Variants in FYN observed in about 807,000 individuals in gnomAD.
The protein encoded by FYN is FYN proto-oncogene, Src family tyrosine kinase.
Under a neutral mutation model 70.2 loss-of-function variants are expected in FYN, and 10 were observed. That is an observed-to-expected ratio of 0.14 (90% CI 0.09 to 0.24). The LOEUF (loss-of-function observed/expected upper bound fraction) is 0.24. FYN is among the 10% of genes least tolerant of loss of function. The pLI is 1.00. For synonymous variants in FYN, 236 were observed against 248.6 expected (o/e 0.95, Z 0.48); for missense variants, 319 against 673.1 (o/e 0.47, Z 5.82).
chr6:111,671,906 T>G (rs1365943963), intron 13 of FYN, among the ~76,000 whole-genome samples: 1 of 152,204 alleles, frequency 6.6e-6, no homozygotes, highest in Non-Finnish European at 1.5e-5. Context: ...TTCTGTTGGA[T>G]TCACAAACCC....
chr6:111,679,648 G>A (rs1583297317), intron 12 of FYN, among the ~76,000 whole-genome samples: 1 of 151,952 alleles, frequency 6.6e-6, no homozygotes, highest in South Asian at 2.1e-4. Flanking sequence ...ACTTGTCCTT[G>A]GTGACAGCAC....
chr6:111,812,604 CTTTTTTTTTTTTTT>C (rs369326017), intron 2 of FYN, among the ~76,000 whole-genome samples: 7 of 101,322 alleles, frequency 6.9e-5, no homozygotes, highest in East Asian at 3.1e-4. Context: ...AGAAATTTTC[CTTTTTTTTTTTTTT>C]TTTTTTTTTT....
intron 2 of FYN, among the ~76,000 whole-genome samples, chr6:111,808,198 T>C (rs1157338579): frequency 6.6e-6 from 1 of 152,184 alleles, no homozygotes; most frequent in Non-Finnish European, 1.5e-5. Context: ...ACAAAGGCAC[T>C]GAAGCAGCAA....
chr6:111,812,602 T>G (rs531288204), intron 2 of FYN, among the ~76,000 whole-genome samples: 1 of 149,426 alleles, frequency 6.7e-6, no homozygotes, highest in Admixed American at 6.7e-5. Context: ...TCAGAAATTT[T>G]CCTTTTTTTT....
In FYN at chr6:111,703,138, A is replaced by G. The variant is rs1039818586; in HGVS notation, c.548-104T>C. 8 of 888,950 alleles carry G rather than the reference A, an allele frequency of 9.0e-6. No homozygotes were observed. The African/African-American group carries it at 1.2e-4, about 13-fold the overall frequency. The allele number at this position is 888,950 out of a possible 1,614,324, so 55.1% of individuals were successfully genotyped here. A position where few individuals can be genotyped will look rare whatever the true frequency, so the allele number is the denominator to read the frequency against. On this transcript the variant is annotated intron_variant, in intron 7 of 13. Transcript: ENST00000354650. ...TGATTAATAATTACCAAGGATGCACACACACATGTACACACACACAGCATC... is the reference window on the plus strand; with the variant it reads ...TGATTAATAATTACCAAGGATGCACGCACACATGTACACACACACAGCATC...
intron 13 of FYN, among the ~76,000 whole-genome samples, chr6:111,670,127 C>A (rs1798198808): frequency 6.6e-6 from 1 of 152,152 alleles, no homozygotes. Flanking sequence ...CTGCTCAAAT[C>A]CCCTCACTTC....
intron 3 of FYN, among the ~76,000 whole-genome samples, chr6:111,763,630 A>C (rs1016952067): frequency 6.6e-6 from 1 of 152,162 alleles, no homozygotes; most frequent in Non-Finnish European, 1.5e-5. Flanking sequence ...TATACTTACC[A>C]CCCAGCTTTA....
intron 3 of FYN, among the ~76,000 whole-genome samples, chr6:111,735,992 G>GT (rs1456640807): frequency 6.6e-6 from 1 of 152,188 alleles, no homozygotes; most frequent in Non-Finnish European, 1.5e-5. Context: ...GCACAGTTGT[G>GT]TAAGTGGCTG....
intron 2 of FYN, among the ~76,000 whole-genome samples, chr6:111,815,502 G>A (rs1772458676): frequency 6.6e-6 from 1 of 151,984 alleles, no homozygotes; most frequent in African/African-American, 2.4e-5. Context: ...AAAAAATCTA[G>A]GTAACTACTC....
intron 3 of FYN, among the ~76,000 whole-genome samples, chr6:111,778,564 T>C (rs1420652784): frequency 6.6e-6 from 1 of 152,036 alleles, no homozygotes; most frequent in East Asian, 1.9e-4. Flanking sequence ...TTTTCTTTCT[T>C]TCTTTTGTTT....
chr6:111,762,833 T>C (rs892666586), intron 3 of FYN, among the ~76,000 whole-genome samples: 1 of 152,066 alleles, frequency 6.6e-6, no homozygotes, highest in Non-Finnish European at 1.5e-5. Context: ...TTGTGATATC[T>C]GCCACCTGCC....
At chr6:111,834,021 G>GGAATGAATCTTAAAAATGTT (rs1364621261) in intron 2 of FYN, among the ~76,000 whole-genome samples, 1 of 152,082 alleles carries the variant, frequency 6.6e-6, no homozygotes, top group East Asian at 1.9e-4. Flanking sequence ...TGCATCAGTA[G>GGAATGAATCTTAAAAATGTT]GAATGAATCT....
chr6:111,792,727 C>A (rs1244459790), intron 2 of FYN, among the ~76,000 whole-genome samples: 1 of 152,216 alleles, frequency 6.6e-6, no homozygotes, highest in African/African-American at 2.4e-5. Flanking sequence ...GACATCCAGG[C>A]TGTCCCCTAG....
At chr6:111,736,959 A>G (rs1462515393) in intron 3 of FYN, among the ~76,000 whole-genome samples, 2 of 152,204 alleles carry the variant, frequency 1.3e-5, no homozygotes, top group Non-Finnish European at 2.9e-5. Context: ...CAAACCCACT[A>G]AACTGTTCCC....
chr6:111,677,290 T>C (rs1798572424), intron 12 of FYN, among the ~76,000 whole-genome samples: 1 of 152,216 alleles, frequency 6.6e-6, no homozygotes, highest in Admixed American at 6.5e-5. Flanking sequence ...ATTTTCCTTT[T>C]CAAGGAAGAC....
At chr6:111,682,090 A>T (rs1798804241) in intron 12 of FYN, among the ~76,000 whole-genome samples, 1 of 152,250 alleles carries the variant, frequency 6.6e-6, no homozygotes, top group South Asian at 2.1e-4. Flanking sequence ...CTGGTTAAAC[A>T]GCAATAAATG....
chr6:111,855,042 GT>G (rs1279302137), intron 1 of FYN, among the ~76,000 whole-genome samples: 7 of 152,164 alleles, frequency 4.6e-5, no homozygotes, highest in Admixed American at 1.3e-4. Context: ...TTGAACTCAG[GT>G]TTTTTTGTGC....
intron 3 of FYN, among the ~76,000 whole-genome samples, chr6:111,761,820 C>T (rs1440368501): frequency 1.3e-5 from 2 of 152,122 alleles, no homozygotes; most frequent in African/African-American, 4.8e-5. Context: ...TAGCTGCTTG[C>T]CCAGGGTCTC....
chr6:111,804,189 T>G (rs1772076764), intron 2 of FYN, among the ~76,000 whole-genome samples: 1 of 152,066 alleles, frequency 6.6e-6, no homozygotes, highest in Admixed American at 6.5e-5. Context: ...GTTCTGAAAA[T>G]ATACGAGGGC....
Sources: allele counts gnomAD v4.1 joint callset (sites outside exome capture counted in the v4.1 genomes callset), GRCh38; gene constraint gnomAD v4.1.1; transcripts MANE v1.5; gene names NCBI Gene and HGNC (gene_info 2026-07-23, HGNC 2026-07-21).